Variants in NAT14 observed in about 807,000 individuals in gnomAD.
NAT14 encodes N-acetyltransferase 14 (putative), also known as probable N-acetyltransferase 14.
Under a neutral mutation model 12.1 loss-of-function variants are expected in NAT14, and 14 were observed. The ratio of observed to expected loss-of-function variants is 1.16; its 90% CI spans 0.76 to 1.81. NAT14 has a LOEUF of 1.81. NAT14 is among the 40% of genes most tolerant of loss of function. The pLI, the probability that NAT14 is intolerant of heterozygous loss-of-function variation, is 0.00. For synonymous variants in NAT14, 156 were observed against 145.1 expected (o/e 1.08, Z -0.54); for missense variants, 341 against 304.3 (o/e 1.12, Z -0.90).
Position 55,486,542 on chromosome 19 carries a change from G to A in NAT14, c.207G>A (p.Pro69=), listed in dbSNP as rs776251605. ...LASFALALLL[P]VFLAVAAVKL... is the part of the protein sequence containing the mutation. ...CCTTCGCCCTGGCCCTCCTCCTGCC[G>A]GTGTTCCTGGCTGTGGCCGCCGTGA... Residue 69 remains proline, a synonymous_variant, in exon 3 of 3, where the codon CCG becomes CCA. Coordinates refer to ENST00000205194, the MANE Select transcript of NAT14 (RefSeq NM_020378.4). 4 of 1,589,302 alleles carry A rather than the reference G, an allele frequency of 2.5e-6. No individual in the cohort carries two copies. Among genetic ancestry groups the A allele is most frequent in the South Asian group, 1.1e-5 (1 of 89,186 alleles).
rs778582562 is a variant in NAT14 at position 55,486,857 on chromosome 19, G to A, written c.522G>A (p.Trp174Ter). Reference protein sequence around the residue: ...RLVVPVAVAAWGVGGMLEGCG... With the variant: ...RLVVPVAVAA ...TGGTCCCCGTGGCTGTGGCCGCCTG[G>A]GGGGTGGGAGGGATGCTGGAGGGCT... Residue 174 changes from tryptophan (W) to a stop codon, truncating the protein, a stop_gained, in exon 3 of 3, where the codon TGG becomes TGA. Transcript: ENST00000205194. LOFTEE classifies it high-confidence loss of function. 2 of 1,529,366 alleles carry A rather than the reference G, an allele frequency of 1.3e-6. No individual in the cohort carries two copies. The highest frequency in any genetic ancestry group is 2.4e-5 in the South Asian group (2 of 83,556). The allele number at this position is 1,529,366 out of a possible 1,614,324, so 94.7% of individuals were successfully genotyped here.
chr19:55,486,113 C>T, intron 2 of NAT14: 1 of 551,572 alleles, frequency 1.8e-6, no homozygotes, highest in Non-Finnish European at 3.2e-6. Flanking sequence ...CAGCAGCCTC[C>T]CTCCAGCCTC....
rs1247687634 is a variant in NAT14, at chr19:55,487,044, T to C, written c.*88T>C. ...ACTGTCTGCGGGTTCTTTTACCTGCTCTCCCTCAGTGAGTCCTCAACCACC... is the reference window on the plus strand; with the variant it reads ...ACTGTCTGCGGGTTCTTTTACCTGCCCTCCCTCAGTGAGTCCTCAACCACC... On this transcript the variant is annotated 3_prime_UTR_variant, in exon 3 of 3. Coordinates refer to ENST00000205194, the MANE Select transcript of NAT14 (RefSeq NM_020378.4). 1.4e-6 allele frequency: 2 copies of C among 1,466,838 alleles called. No individual in the cohort carries two copies. The highest frequency in any genetic ancestry group is 2.9e-5 in the African/African-American group (2 of 69,062). The allele number at this position is 1,466,838 out of a possible 1,614,324, so 90.9% of individuals were successfully genotyped here. A position where few individuals can be genotyped will look rare whatever the true frequency, so the allele number is the denominator to read the frequency against.
chr19:55,486,412 G>C lies in NAT14; in HGVS notation c.77G>C (p.Gly26Ala). 6.8e-7 allele frequency: 1 copy of C among 1,466,034 alleles called. No individual in the cohort carries two copies. Among genetic ancestry groups the C allele is most frequent in the Middle Eastern group, 1.8e-4 (1 of 5,598 alleles). The allele number at this position is 1,466,034 out of a possible 1,614,324, so 90.8% of individuals were successfully genotyped here. ...AGCCACCCCTCCTGCCCACAGGCCG[G>C]CGTGAAGGACACGGAAAACCGCGTG... Reference protein sequence around the residue: ...KPLVLEMLKAGVKDTENRVAL... With the variant: ...KPLVLEMLKAAVKDTENRVAL... Residue 26 changes from glycine (G) to alanine (A), a missense_variant, in exon 3 of 3, where the codon GGC becomes GCC. Coordinates refer to ENST00000205194, the MANE Select transcript of NAT14 (RefSeq NM_020378.4).
rs1336199116 is a variant in NAT14, at chr19:55,486,926, G to A, written c.591G>A (p.Thr197=). The A allele has an allele frequency of 2.6e-6, 4 of 1,563,030 alleles. No homozygotes were observed. The Admixed American group carries it at 7.2e-5, about 28-fold the overall frequency. ...AEGGWGCLGY[T]LVREFSKDL Reference sequence around the variant, plus strand: ...GGGGCTGGGGCTGCCTGGGCTACACGCTGGTGAGGGAATTCAGCAAAGACC... The same window carrying A: ...GGGGCTGGGGCTGCCTGGGCTACACACTGGTGAGGGAATTCAGCAAAGACC... Residue 197 remains threonine, a synonymous_variant, in exon 3 of 3, where the codon ACG becomes ACA. Coordinates refer to ENST00000205194, the MANE Select transcript of NAT14 (RefSeq NM_020378.4).
Position 55,486,721 on chromosome 19 carries a change from C to CT in NAT14, c.387dup (p.Val130CysfsTer96). On this transcript the variant is annotated frameshift_variant, in exon 3 of 3. Coordinates refer to ENST00000205194, the MANE Select transcript of NAT14 (RefSeq NM_020378.4). LOFTEE classifies it high-confidence loss of function. The stretch of plus-strand genomic sequence containing the variant: ...GACGGGGCCCGGGTCACCCGCCTGT[C>CT]TGTCTCTCGCTGGCACCGCCGCCGG... 3.5e-6 allele frequency: 5 copies of CT among 1,416,554 alleles called. No homozygotes were observed. Among genetic ancestry groups the CT allele is most frequent in the Non-Finnish European group, 4.6e-6 (5 of 1,097,010 alleles). 87.7% of individuals were successfully genotyped at this position (1,416,554 alleles called of 1,614,324 possible). A position where few individuals can be genotyped will look rare whatever the true frequency, so the allele number is the denominator to read the frequency against.
rs1417477565 is a variant in NAT14, at chr19:55,485,756, G to A, written c.48G>A (p.Lys16=). The A allele has an allele frequency of 1.9e-6, 3 of 1,551,042 alleles. No individual in the cohort carries two copies. The highest frequency in any genetic ancestry group is 2.4e-5 in the South Asian group (2 of 84,048). Residue 16 remains lysine, a synonymous_variant, in exon 2 of 3, where the codon AAG becomes AAA. Coordinates refer to ENST00000205194, the MANE Select transcript of NAT14 (RefSeq NM_020378.4). ...TGCGGGAGATGAGGGAAGATGAGAA[G>A]CCCCTGGTGCTGGAGATGCTGAAGG... ...LSVREMREDE[K]PLVLEMLKAG...
At position 55,486,772 on chromosome 19, in the gene NAT14, T is replaced by G; in HGVS notation, c.437T>G (p.Phe146Cys). The G allele has an allele frequency of 7.0e-7, 1 of 1,422,746 alleles. No homozygotes were observed. Among genetic ancestry groups the G allele is most frequent in the Non-Finnish European group, 9.1e-7 (1 of 1,099,680 alleles). The allele number at this position is 1,422,746 out of a possible 1,614,324, so 88.1% of individuals were successfully genotyped here. Residue 146 changes from phenylalanine (F) to cysteine (C), a missense_variant, in exon 3 of 3, where the codon TTC (phenylalanine) becomes TGC (cysteine). Physicochemically the swap from Phe to Cys is radical, Grantham distance 205. Transcript: ENST00000205194. ...GGCGTGGGCAGGAGGCTGCTGGCCT[T>G]CGCGGAGGCCCGGGCTCGGGCCTGG... Reference protein sequence around the residue: ...RRGVGRRLLAFAEARARAWAG... With the variant: ...RRGVGRRLLACAEARARAWAG...
intron 2 of NAT14, 67 bp downstream of exon 2, chr19:55,485,847 C>A: frequency 8.4e-7 from 1 of 1,191,562 alleles, no homozygotes; most frequent in Non-Finnish European, 1.2e-6. Context: ...TGGATTCAGC[C>A]ACCCCCTCCC....
At position 55,486,973 on chromosome 19, in the gene NAT14, C is replaced by T; in HGVS notation, c.*17C>T. 2 of 1,539,592 alleles carry T rather than the reference C, an allele frequency of 1.3e-6. No homozygotes were observed. Among genetic ancestry groups the T allele is most frequent in the Middle Eastern group, 2.0e-4 (1 of 4,968 alleles). ...GACCTGTGAAGCTACAGACTGACAG[C>T]CAGGGCAGGGGAGGAGGGAGGGGCG... On this transcript the variant is annotated 3_prime_UTR_variant, in exon 3 of 3. Transcript: ENST00000205194.
chr19:55,487,022 G>A lies in NAT14; in HGVS notation c.*66G>A, dbSNP rs750723857. 6.7e-7 allele frequency: 1 copy of A among 1,493,006 alleles called. No homozygotes were observed. Among genetic ancestry groups the A allele is most frequent in the Middle Eastern group, 2.3e-4 (1 of 4,316 alleles). The allele number at this position is 1,493,006 out of a possible 1,614,324, so 92.5% of individuals were successfully genotyped here. ...CGCCAGCACCTGATGATCGCCTACT[G>A]TCTGCGGGTTCTTTTACCTGCTCTC... On this transcript the variant is annotated 3_prime_UTR_variant, in exon 3 of 3. Transcript: ENST00000205194.
At position 55,486,974 on chromosome 19, in the gene NAT14, C is replaced by T. The variant is rs762242853; in HGVS notation, c.*18C>T. ...ACCTGTGAAGCTACAGACTGACAGC[C>T]AGGGCAGGGGAGGAGGGAGGGGCGC... On this transcript the variant is annotated 3_prime_UTR_variant, in exon 3 of 3. Transcript: ENST00000205194. The T allele has an allele frequency of 5.2e-6, 8 of 1,537,606 alleles. No individual in the cohort carries two copies. Among genetic ancestry groups the T allele is most frequent in the Middle Eastern group, 4.0e-4 (2 of 4,976 alleles).
intron 1 of NAT14, 62 bp from the exon 2 acceptor site, chr19:55,485,599 C>A: frequency 1.1e-6 from 1 of 909,486 alleles, no homozygotes; most frequent in Non-Finnish European, 1.7e-6. Context: ...CTCCCTACCC[C>A]TCGGGGGAGC....
chr19:55,486,799 C>T lies in NAT14; in HGVS notation c.464C>T (p.Ala155Val). ...GCGGAGGCCCGGGCTCGGGCCTGGGCTGGGGGCATGGGGGAGCCCCGGGCC... is the reference window on the plus strand; with the variant it reads ...GCGGAGGCCCGGGCTCGGGCCTGGGTTGGGGGCATGGGGGAGCCCCGGGCC... ...AFAEARARAW[A>V]GGMGEPRARL... Residue 155 changes from alanine (A) to valine (V), a missense_variant, in exon 3 of 3, where the codon GCT (alanine) becomes GTT (valine). Physicochemically the swap from Ala to Val is moderately conservative, Grantham distance 64. Transcript: ENST00000205194. 2.0e-6 allele frequency: 3 copies of T among 1,478,680 alleles called. No homozygotes were observed. In the South Asian group the frequency reaches 4.0e-5, roughly 20 times the overall value. 91.6% of individuals were successfully genotyped at this position (1,478,680 alleles called of 1,614,324 possible).
chr19:55,485,338 A>C (rs1986885843), intron 1 of NAT14, 80 bp downstream of exon 1: 1 of 229,946 alleles, frequency 4.3e-6, no homozygotes, highest in Non-Finnish European at 8.6e-6. Context: ...GGGTGGAGCG[A>C]GCGTGGTCCG....
At chr19:55,486,079 A>C (rs949220035) in intron 2 of NAT14, 1 of 568,246 alleles carries the variant, frequency 1.8e-6, no homozygotes, top group Admixed American at 3.1e-5. Context: ...TCTTCAAAGC[A>C]CAGCCCAGCA....
rs1384787819 is a variant in NAT14 at position 55,485,748 on chromosome 19, G to A, written c.40G>A (p.Asp14Asn). Residue 14 changes from aspartate to asparagine, a missense_variant, in exon 2 of 3, where the codon GAT becomes AAT. By Grantham distance (23) the Asp-to-Asn change is conservative (BLOSUM62 1). Transcript: ENST00000205194. ...SHLSVREMRE[D>N]EKPLVLEMLK... ...CCTGTCAGTGCGGGAGATGAGGGAA[G>A]ATGAGAAGCCCCTGGTGCTGGAGAT... 27 of 1,551,090 alleles carry A rather than the reference G, an allele frequency of 1.7e-5. No homozygotes were observed. The highest frequency in any genetic ancestry group is 2.2e-5 in the Non-Finnish European group (25 of 1,146,702).
chr19:55,487,208 GTC>G lies in NAT14; in HGVS notation c.*253_*254del. 1.8e-6 allele frequency: 1 copy of G among 566,016 alleles called. No individual in the cohort carries two copies. The allele number at this position is 566,016 out of a possible 1,614,324, so 35.1% of individuals were successfully genotyped here. On this transcript the variant is annotated 3_prime_UTR_variant, in exon 3 of 3. Coordinates refer to ENST00000205194, the MANE Select transcript of NAT14 (RefSeq NM_020378.4). Reference sequence around the variant, plus strand: ...TCCTGGCCCTCGGGGGCCTCTCGAGGTCAGCCTCTCCAACCCCTACCTCAGCT... The same window carrying G: ...TCCTGGCCCTCGGGGGCCTCTCGAGGAGCCTCTCCAACCCCTACCTCAGCT...
At position 55,485,757 on chromosome 19, in the gene NAT14, C is replaced by T. The variant is rs1409881386; in HGVS notation, c.49C>T (p.Pro17Ser). ...GCGGGAGATGAGGGAAGATGAGAAGCCCCTGGTGCTGGAGATGCTGAAGGT... is the reference window on the plus strand; with the variant it reads ...GCGGGAGATGAGGGAAGATGAGAAGTCCCTGGTGCTGGAGATGCTGAAGGT... ...SVREMREDEKPLVLEMLKAGV... is the reference protein window; with the variant it reads ...SVREMREDEKSLVLEMLKAGV... Residue 17 changes from proline to serine, a missense_variant, in exon 2 of 3, where the codon CCC (proline) becomes TCC (serine). Pro to Ser is a moderately conservative substitution (Grantham distance 74). Transcript: ENST00000205194. 2 of 1,550,880 alleles carry T rather than the reference C, an allele frequency of 1.3e-6. No individual in the cohort carries two copies. The highest frequency in any genetic ancestry group is 4.9e-5 in the East Asian group (2 of 40,898).
Sources: allele counts gnomAD v4.1 joint callset, GRCh38; gene constraint gnomAD v4.1.1; transcripts MANE v1.5; gene names NCBI Gene and HGNC (gene_info 2026-07-23, HGNC 2026-07-21).